Variants in SLC24A2 observed in about 807,000 individuals in gnomAD.
SLC24A2 encodes sodium/potassium/calcium exchanger 2.
In SLC24A2, 36 loss-of-function variants were observed where a neutral mutation model predicts 62.0. The ratio of observed to expected loss-of-function variants is 0.58; its 90% CI spans 0.44 to 0.77. The LOEUF (loss-of-function observed/expected upper bound fraction) is 0.77. Ranked by LOEUF, SLC24A2 falls within the 30% of genes least tolerant of loss-of-function variation. The pLI, the probability that SLC24A2 is intolerant of heterozygous loss-of-function variation, is 0.00. For missense variants in SLC24A2, 846 were observed against 817.9 expected (o/e 1.03, Z -0.42); for synonymous variants, 358 against 294.0 (o/e 1.22, Z -2.23).
intron 2 of SLC24A2, among the ~76,000 whole-genome samples, chr9:19,751,027 C>T (rs1295719203): frequency 6.6e-6 from 1 of 152,186 alleles, no homozygotes; most frequent in Non-Finnish European, 1.5e-5. Flanking sequence ...TCTGTGCCTG[C>T]CTTCACTATG....
intron 2 of SLC24A2, among the ~76,000 whole-genome samples, chr9:19,733,449 G>C (rs114676371): frequency 0.014 from 2,127 of 152,210 alleles, 39 homozygotes; most frequent in African/African-American, 0.048. Flanking sequence ...AGTGAAAACA[G>C]GTCTGATTTC....
chr9:20,046,543 G>A, the SLC24A2 span, among the ~76,000 whole-genome samples: 1 of 152,180 alleles, frequency 6.6e-6, no homozygotes, highest in African/African-American at 2.4e-5. Context: ...TTTCTGTTAA[G>A]AATGCTATCC....
chr9:19,994,360 T>C, the SLC24A2 span, among the ~76,000 whole-genome samples: 1 of 152,154 alleles, frequency 6.6e-6, no homozygotes, highest in Admixed American at 6.5e-5. Context: ...TAATTACCCA[T>C]GCACACAATA....
the SLC24A2 span, among the ~76,000 whole-genome samples, chr9:20,279,057 A>G: frequency 6.6e-6 from 1 of 152,234 alleles, no homozygotes; most frequent in South Asian, 2.1e-4. Context: ...AGCTGCTTAT[A>G]AAACCATCAG....
chr9:19,977,983 G>A, the SLC24A2 span, among the ~76,000 whole-genome samples: 1 of 152,128 alleles, frequency 6.6e-6, no homozygotes, highest in South Asian at 2.1e-4. Flanking sequence ...TCTCCCTGAT[G>A]TTCTGTGGCT....
At chr9:20,105,865 A>G in the SLC24A2 span, among the ~76,000 whole-genome samples, 2,052 of 152,234 alleles carry the variant, frequency 0.013, 49 homozygotes, top group African/African-American at 0.047. Context: ...AACTGAAGGA[A>G]ATAGAGACAC....
the SLC24A2 span, among the ~76,000 whole-genome samples, chr9:20,047,158 T>G: frequency 6.6e-6 from 1 of 152,128 alleles, no homozygotes; most frequent in East Asian, 1.9e-4. Flanking sequence ...ACAGGTGATG[T>G]TGACATGAAG....
chr9:19,988,946 T>C, the SLC24A2 span, among the ~76,000 whole-genome samples: 1 of 152,194 alleles, frequency 6.6e-6, no homozygotes, highest in Non-Finnish European at 1.5e-5. Flanking sequence ...AGACATTAGA[T>C]TTTCTTTTAG....
the SLC24A2 span, among the ~76,000 whole-genome samples, chr9:19,903,349 T>G: frequency 1.3e-5 from 2 of 152,198 alleles, no homozygotes; most frequent in Admixed American, 6.5e-5. Context: ...GAGTGAGCTC[T>G]GGTCCCTTTT....
the SLC24A2 span, among the ~76,000 whole-genome samples, chr9:19,878,165 G>A: frequency 6.6e-6 from 1 of 152,100 alleles, no homozygotes; most frequent in South Asian, 2.1e-4. Flanking sequence ...GCCCTTATCA[G>A]CAAGAAGACT....
chr9:19,752,609 T>C (rs968488218), intron 2 of SLC24A2, among the ~76,000 whole-genome samples: 2 of 149,114 alleles, frequency 1.3e-5, no homozygotes, highest in African/African-American at 4.9e-5. Context: ...TTTCCTCCTA[T>C]ATAAATAGAC....
At chr9:20,095,761 A>C in the SLC24A2 span, among the ~76,000 whole-genome samples, 1 of 124,388 alleles carries the variant, frequency 8.0e-6, no homozygotes, top group Non-Finnish European at 1.7e-5. Flanking sequence ...GTAATTTATT[A>C]AAAAAAAAAG....
Position 19,516,000 on chromosome 9 carries a change from A to G in SLC24A2, c.*153T>C, listed in dbSNP as rs370530401. 6.6e-4 allele frequency: 611 copies of G among 927,774 alleles called. 3 individuals carry two copies. In the African/African-American group the frequency reaches 8.4e-3, roughly 13 times the overall value. The allele number at this position is 927,774 out of a possible 1,614,324, so 57.5% of individuals were successfully genotyped here. On this transcript the variant is annotated 3_prime_UTR_variant, in exon 11 of 11. Coordinates refer to ENST00000341998, the MANE Select transcript of SLC24A2 (RefSeq NM_020344.4). ...AGCAGCCTGTGAAGTGAATGGGCCCAGTGTGAATCCATCTCTCCTCAAATT... is the reference window on the plus strand; with the variant it reads ...AGCAGCCTGTGAAGTGAATGGGCCCGGTGTGAATCCATCTCTCCTCAAATT...
chr9:20,223,401 G>A, the SLC24A2 span, among the ~76,000 whole-genome samples: 1 of 152,240 alleles, frequency 6.6e-6, no homozygotes, highest in South Asian at 2.1e-4. Context: ...AAGGTGGGAG[G>A]ATCAATTGAG....
the SLC24A2 span, among the ~76,000 whole-genome samples, chr9:20,205,649 T>TAAAAAAAAAAAAAA: frequency 6.9e-4 from 45 of 65,340 alleles, 1 homozygote; most frequent in East Asian, 3.6e-3. Context: ...AGACTCCATC[T>TAAAAAAAAAAAAAA]AAAAAAAAAA....
chr9:20,124,347 G>A, the SLC24A2 span, among the ~76,000 whole-genome samples: 8 of 151,210 alleles, frequency 5.3e-5, no homozygotes, highest in Admixed American at 5.3e-4. Context: ...TAAACCTGTA[G>A]AGAAAATAGG....
At chr9:19,985,636 C>G in the SLC24A2 span, among the ~76,000 whole-genome samples, 1 of 152,054 alleles carries the variant, frequency 6.6e-6, no homozygotes, top group Non-Finnish European at 1.5e-5. Context: ...TGAAAATATT[C>G]TAAATTATGG....
At chr9:20,058,836 C>G in the SLC24A2 span, among the ~76,000 whole-genome samples, 1 of 152,192 alleles carries the variant, frequency 6.6e-6, no homozygotes, top group African/African-American at 2.4e-5. Context: ...TTTCCATTGT[C>G]TTGTAAGTTG....
intron 4 of SLC24A2, among the ~76,000 whole-genome samples, chr9:19,604,667 A>G (rs1836934398): frequency 1.3e-5 from 2 of 152,240 alleles, no homozygotes; most frequent in African/African-American, 2.4e-5. Context: ...CCAGCCATCC[A>G]AGAAGGGAAA....
Sources: allele counts gnomAD v4.1 joint callset (sites outside exome capture counted in the v4.1 genomes callset), GRCh38; gene constraint gnomAD v4.1.1; transcripts MANE v1.5; gene names NCBI Gene and HGNC (gene_info 2026-07-23, HGNC 2026-07-21).